The following APP variants were observed in gnomAD, a reference collection of about 807,000 sequenced individuals.
APP encodes amyloid beta precursor protein.
Under a neutral mutation model 101.4 loss-of-function variants are expected in APP, and 31 were observed. The ratio of observed to expected loss-of-function variants is 0.31; its 90% CI spans 0.23 to 0.41. APP has a LOEUF of 0.41. APP is among the 10% of genes least tolerant of loss of function. APP has a pLI of 1.00. For synonymous variants in APP, 366 were observed against 364.4 expected, an observed-to-expected ratio of 1.00 and a Z score of -0.05; for missense variants, 839 against 1,003.7, an observed-to-expected ratio of 0.84 and a Z score of 2.22.
chr21:26,031,820 C>G (rs1225512522), intron 5 of APP, among the ~76,000 whole-genome samples: 1 of 152,194 alleles, frequency 6.6e-6, no homozygotes, highest in Non-Finnish European at 1.5e-5. Context: ...GCTCCTCCTT[C>G]CAGCACGCTC....
intron 1 of APP, among the ~76,000 whole-genome samples, chr21:26,169,988 C>T (rs772547721): frequency 2.0e-5 from 3 of 152,112 alleles, no homozygotes; most frequent in Non-Finnish European, 4.4e-5. Flanking sequence ...CGCCAGCAGC[C>T]GCGAAAAGAG....
chr21:26,005,856 C>A (rs1489906406), intron 6 of APP, among the ~76,000 whole-genome samples: 2 of 152,050 alleles, frequency 1.3e-5, no homozygotes, highest in Non-Finnish European at 2.9e-5. Flanking sequence ...GTAGAGGATG[C>A]AAAATTAGAC....
At chr21:25,911,708 C>T in intron 14 of APP, 33 bp downstream of exon 14, 2 of 1,594,826 alleles carry the variant, frequency 1.3e-6, no homozygotes, top group Non-Finnish European at 1.7e-6. Context: ...ATATACCTCC[C>T]AGAACGCCCT....
intron 6 of APP, among the ~76,000 whole-genome samples, chr21:26,020,257 T>C (rs2044279428): frequency 6.6e-6 from 1 of 152,106 alleles, no homozygotes; most frequent in South Asian, 2.1e-4. Flanking sequence ...AGAAAGTAGA[T>C]TAGTTGTTGC....
chr21:25,945,382 T>TTTTTTG (rs2040768355), intron 13 of APP: 1 of 124,096 alleles, frequency 8.1e-6, no homozygotes, highest in African/African-American at 4.5e-5. Context: ...AATCCGCACT[T>TTTTTTG]TTTTTTTTTT....
intron 11 of APP, among the ~76,000 whole-genome samples, chr21:25,966,390 G>A (rs578194209): frequency 6.8e-4 from 103 of 152,244 alleles, no homozygotes; most frequent in South Asian, 1.4e-3. Flanking sequence ...TAAACGGATG[G>A]TGAACAAATA....
intron 14 of APP, among the ~76,000 whole-genome samples, chr21:25,910,935 A>G (rs977055215): frequency 6.6e-5 from 10 of 152,198 alleles, no homozygotes; most frequent in African/African-American, 2.4e-4. Context: ...CAGGCCCTCA[A>G]AACTCCTCTC....
At chr21:26,028,397 G>C (rs60255351) in intron 5 of APP, among the ~76,000 whole-genome samples, 2 of 152,052 alleles carry the variant, frequency 1.3e-5, no homozygotes, top group African/African-American at 4.8e-5. Context: ...TGATTGTTGC[G>C]AGCCAGAGGC....
chr21:25,902,308 A>G (rs1329306342), intron 15 of APP, among the ~76,000 whole-genome samples: 1 of 152,256 alleles, frequency 6.6e-6, no homozygotes, highest in Non-Finnish European at 1.5e-5. Flanking sequence ...AATTCGGCAC[A>G]TTAGACTCAA....
At chr21:26,150,034 C>G (rs974091591) in intron 1 of APP, among the ~76,000 whole-genome samples, 3 of 152,070 alleles carry the variant, frequency 2.0e-5, no homozygotes, top group Non-Finnish European at 2.9e-5. Context: ...ATTAAACTGA[C>G]GAGACAGATT....
intron 13 of APP, among the ~76,000 whole-genome samples, chr21:25,925,024 C>G: frequency 6.6e-6 from 1 of 152,120 alleles, no homozygotes; most frequent in Admixed American, 6.5e-5. Context: ...TAAAAATTTA[C>G]TTATGTGCCT....
At chr21:26,157,359 C>T (rs1027674495) in intron 1 of APP, among the ~76,000 whole-genome samples, 4 of 152,232 alleles carry the variant, frequency 2.6e-5, no homozygotes, top group East Asian at 1.9e-4. Flanking sequence ...TGTGAGCCAC[C>T]GTGCCCGGCC....
At chr21:25,912,403 T>C (rs934007608) in intron 13 of APP, among the ~76,000 whole-genome samples, 1 of 152,070 alleles carries the variant, frequency 6.6e-6, no homozygotes, top group Non-Finnish European at 1.5e-5. Context: ...CAACAGACAA[T>C]CTCCTGTCTT....
At chr21:25,933,857 A>G (rs1196179143) in intron 13 of APP, 1 of 152,092 alleles carries the variant, frequency 6.6e-6, no homozygotes, top group African/African-American at 2.4e-5. Flanking sequence ...TTTAAATTTG[A>G]TAGTGGTTGA....
intron 2 of APP, among the ~76,000 whole-genome samples, chr21:26,107,524 A>T (rs1259974796): frequency 6.6e-6 from 1 of 152,184 alleles, no homozygotes; most frequent in Non-Finnish European, 1.5e-5. Flanking sequence ...AGAAATTTAC[A>T]TGGCTTGCCT....
At chr21:25,990,973 G>C (rs933788378) in intron 8 of APP, among the ~76,000 whole-genome samples, 1 of 152,138 alleles carries the variant, frequency 6.6e-6, no homozygotes, top group African/African-American at 2.4e-5. Context: ...TATATACCAC[G>C]GAATACTAGT....
intron 1 of APP, among the ~76,000 whole-genome samples, chr21:26,164,138 G>A (rs1193242915): frequency 2.6e-5 from 4 of 152,158 alleles, no homozygotes; most frequent in East Asian, 1.9e-4. Context: ...CCAGCTACTC[G>A]GGAGGCTGAG....
At chr21:25,906,299 A>G (rs371901667) in intron 14 of APP, among the ~76,000 whole-genome samples, 2 of 152,256 alleles carry the variant, frequency 1.3e-5, no homozygotes, top group Non-Finnish European at 2.9e-5. Context: ...GACTGGCAGC[A>G]TGGTGGAGTC....
At chr21:26,027,325 G>GT (rs976526526) in intron 5 of APP, among the ~76,000 whole-genome samples, 1 of 152,124 alleles carries the variant, frequency 6.6e-6, no homozygotes, top group Admixed American at 6.5e-5. Context: ...AAATACAGTA[G>GT]TTTTTTTCAA....
Sources: gnomAD v4.1 joint callset for allele counts (sites outside exome capture counted in the v4.1 genomes callset) on GRCh38, gnomAD v4.1.1 for gene constraint, MANE v1.5 for transcripts, NCBI Gene and HGNC (gene_info 2026-07-23, HGNC 2026-07-21) for gene names.